The following CDC42EP4 variants were observed in gnomAD, a reference collection of about 807,000 sequenced individuals.
CDC42EP4 encodes CDC42 effector protein 4.
In CDC42EP4, 6 loss-of-function variants were observed where a neutral mutation model predicts 5.6. That is an observed-to-expected ratio of 1.07 (90% CI 0.59 to 2.12). CDC42EP4 has a LOEUF of 2.12. Ranked by LOEUF, CDC42EP4 falls within the 30% of genes most tolerant of loss-of-function variation. The pLI is 0.00. For synonymous variants in CDC42EP4, 230 were observed against 224.2 expected (o/e 1.03, Z -0.23); for missense variants, 490 against 508.6 (o/e 0.96, Z 0.35).
rs1599427019 is a variant in CDC42EP4, at chr17:73,285,451, C to T, written c.1050G>A (p.Glu350=). Residue 350 remains glutamate, a synonymous_variant, in exon 2 of 2, where the codon GAG becomes GAA. Transcript: ENST00000335793. The surrounding 1 kb of genome is among the most constrained non-coding windows in gnomAD (Gnocchi z 6.8). The part of the protein sequence containing the change: ...DKEFSFMDEE[E]EDEIRV Reference sequence around the variant, plus strand: ...CGCCTCACACACGGATTTCATCCTCCTCCTCCTCATCCATGAAGGAGAACT... The same window carrying T: ...CGCCTCACACACGGATTTCATCCTCTTCCTCCTCATCCATGAAGGAGAACT... The T allele has an allele frequency of 6.4e-7, 1 of 1,562,926 alleles. No individual in the cohort carries two copies.
rs893309097 is a variant in CDC42EP4, at chr17:73,289,820, AAAAG to A, written c.-112-3212_-112-3209del. 2.8e-5 allele frequency among the ~76,000 whole-genome samples: 4 copies of A among 143,392 alleles called. No homozygotes were observed. In the East Asian group the frequency reaches 6.4e-4, roughly 23 times the overall value. The allele number at this position is 143,392 out of a possible 152,430, so 94.1% of individuals were successfully genotyped here. On this transcript the variant is annotated intron_variant, in intron 1 of 1. Coordinates refer to ENST00000335793, the MANE Select transcript of CDC42EP4 (RefSeq NM_012121.5). ...AAAGAAAAAAAGAAAGAGAGAAAGA[AAAAG>A]AAAGGAAAGAAGGAAAGGAAAGGAA...
intron 1 of CDC42EP4, among the ~76,000 whole-genome samples, chr17:73,308,862 C>A (rs962115214): frequency 2.0e-5 from 3 of 151,598 alleles, no homozygotes; most frequent in Admixed American, 2.0e-4. Flanking sequence ...CAGTGAAACC[C>A]TGTTTCTACT....
rs997982889 is a variant in CDC42EP4, at chr17:73,286,096, C to T, written c.405G>A (p.Leu135=). ...CGGGGCTGGATGACAGGCTCTTGGG[C>T]AGCTTACTGGTGCCCTTCTCCGCGG... The part of the protein sequence containing the change: ...KEAAEKGTSK[L]PKSLSSSPVK... The change falls in exon 2 of 2, where the codon CTG becomes CTA. Residue 135 remains leucine, a synonymous_variant. Coordinates refer to ENST00000335793, the MANE Select transcript of CDC42EP4 (RefSeq NM_012121.5). This position sits in a 1 kb window ranked among gnomAD's most constrained non-coding sequence, Gnocchi z 7.7. 4.3e-6 allele frequency: 7 copies of T among 1,613,878 alleles called. No individual in the cohort carries two copies. The highest frequency in any genetic ancestry group is 4.0e-5 in the African/African-American group (3 of 74,916).
At chr17:73,298,732 G>A (rs114920904) in intron 1 of CDC42EP4, among the ~76,000 whole-genome samples, 2,302 of 152,212 alleles carry the variant, frequency 0.015, 61 homozygotes, top group African/African-American at 0.051. Context: ...AGAGAAACAG[G>A]CTCCCTAATC....
intron 1 of CDC42EP4, among the ~76,000 whole-genome samples, chr17:73,290,235 C>T (rs1274797614): frequency 6.6e-6 from 1 of 152,230 alleles, no homozygotes; most frequent in East Asian, 1.9e-4. Context: ...AGCAACAGAG[C>T]TGGGCTAGAA....
chr17:73,287,826 C>T (rs1270232969), intron 1 of CDC42EP4, among the ~76,000 whole-genome samples: 1 of 152,150 alleles, frequency 6.6e-6, no homozygotes, highest in African/African-American at 2.4e-5. Flanking sequence ...CCTGCCGCTG[C>T]GTCACACAAG....
chr17:73,292,059 C>T (rs547546073), intron 1 of CDC42EP4, among the ~76,000 whole-genome samples: 1 of 152,206 alleles, frequency 6.6e-6, no homozygotes, highest in Admixed American at 6.5e-5. Context: ...CGGGCAGTGG[C>T]CTGTCCCTGG....
At chr17:73,305,360 G>A (rs2062239690) in intron 1 of CDC42EP4, among the ~76,000 whole-genome samples, 1 of 152,206 alleles carries the variant, frequency 6.6e-6, no homozygotes, top group African/African-American at 2.4e-5. Flanking sequence ...GGGCAGCAGG[G>A]TGCCTCCCTC....
rs2062124589 is a variant in CDC42EP4, at chr17:73,285,233, G to T, written c.*197C>A. On this transcript the variant is annotated 3_prime_UTR_variant, in exon 2 of 2. Transcript: ENST00000335793. The surrounding 1 kb of genome is among the most constrained non-coding windows in gnomAD (Gnocchi z 6.8). ...GGAGCATGATGAAGTCAGGCAGCCAGTCGGCACCCATGCCAGCCCCCTACG... is the reference window on the plus strand; with the variant it reads ...GGAGCATGATGAAGTCAGGCAGCCATTCGGCACCCATGCCAGCCCCCTACG... 1.5e-5 allele frequency: 7 copies of T among 468,318 alleles called. No homozygotes were observed. Among genetic ancestry groups the T allele is most frequent in the African/African-American group, 1.2e-4 (6 of 51,436 alleles). 29.0% of individuals were successfully genotyped at this position (468,318 alleles called of 1,614,324 possible).
In CDC42EP4 at chr17:73,286,105, G is replaced by C. The variant is rs1424004328; in HGVS notation, c.396C>G (p.Thr132=). The change falls in exon 2 of 2, where the codon ACC becomes ACG. Residue 132 remains threonine, a synonymous_variant. Coordinates refer to ENST00000335793, the MANE Select transcript of CDC42EP4 (RefSeq NM_012121.5). This position sits in a 1 kb window ranked among gnomAD's most constrained non-coding sequence, Gnocchi z 7.7. ...ATGACAGGCTCTTGGGCAGCTTACTGGTGCCCTTCTCCGCGGCCTCCTTCT... is the reference window on the plus strand; with the variant it reads ...ATGACAGGCTCTTGGGCAGCTTACTCGTGCCCTTCTCCGCGGCCTCCTTCT... The part of the protein sequence containing the change: ...LNEKEAAEKG[T]SKLPKSLSSS... 1.2e-6 allele frequency: 2 copies of C among 1,613,982 alleles called. No homozygotes were observed. Among genetic ancestry groups the C allele is most frequent in the South Asian group, 1.1e-5 (1 of 91,090 alleles).
chr17:73,284,243 G>A lies in CDC42EP4; in HGVS notation c.*1187C>T, dbSNP rs2062117279. ...CTGGCCTCAAAAGTCGGTGGGGGGA[G>A]GCCTGAGAAAAGAAAGGGAAGTAGT... is the stretch of plus-strand genomic sequence containing the variant. On this transcript the variant is annotated 3_prime_UTR_variant, in exon 2 of 2. Transcript: ENST00000335793. 1 of 151,988 alleles carries A rather than the reference G, an allele frequency of 6.6e-6. No homozygotes were observed. The highest frequency in any genetic ancestry group is 2.4e-5 in the African/African-American group (1 of 41,370). The allele number at this position is 151,988 out of a possible 1,614,324, so 9.4% of individuals were successfully genotyped here. A position where few individuals can be genotyped will look rare whatever the true frequency, so the allele number is the denominator to read the frequency against.
In CDC42EP4 at chr17:73,285,667, G is replaced by C; in HGVS notation, c.834C>G (p.Ser278=). The C allele has an allele frequency of 1.3e-6, 2 of 1,579,478 alleles. No homozygotes were observed. Among genetic ancestry groups the C allele is most frequent in the Non-Finnish European group, 1.7e-6 (2 of 1,158,850 alleles). The change falls in exon 2 of 2, where the codon TCC becomes TCG. Residue 278 remains serine (S), a synonymous_variant. Coordinates refer to ENST00000335793, the MANE Select transcript of CDC42EP4 (RefSeq NM_012121.5). The surrounding 1 kb of genome is among the most constrained non-coding windows in gnomAD (Gnocchi z 6.8). ...KAGPDLPSLP[S]HALEDEGWAA... ...CCCACCCCTCATCCTCCAGAGCATGGGAGGGGAGGGAGGGCAAGTCTGGGC... is the reference window on the plus strand; with the variant it reads ...CCCACCCCTCATCCTCCAGAGCATGCGAGGGGAGGGAGGGCAAGTCTGGGC...
chr17:73,298,747 C>T (rs1389685401), intron 1 of CDC42EP4, among the ~76,000 whole-genome samples: 2 of 152,174 alleles, frequency 1.3e-5, no homozygotes, highest in East Asian at 3.9e-4. Context: ...CTAATCCCCT[C>T]CTACCCCATC....
chr17:73,300,724 T>C (rs1265368280), intron 1 of CDC42EP4, among the ~76,000 whole-genome samples: 3 of 152,164 alleles, frequency 2.0e-5, no homozygotes, highest in Admixed American at 6.6e-5. Flanking sequence ...GCACTCCTTA[T>C]ATTTATACAC....
chr17:73,303,248 CAGG>C (rs530513972), intron 1 of CDC42EP4, among the ~76,000 whole-genome samples: 25 of 152,056 alleles, frequency 1.6e-4, no homozygotes, highest in South Asian at 8.3e-4. Flanking sequence ...AAGGCTGAGG[CAGG>C]AGAATGGCTT....
intron 1 of CDC42EP4, among the ~76,000 whole-genome samples, chr17:73,309,037 CCAAAA>C (rs1254137553): frequency 0.13 from 241 of 1,856 alleles, 4 homozygotes; most frequent in South Asian, 0.32. Context: ...AGCTCTGTCT[CCAAAA>C]AAAAAAAAAA....
At chr17:73,300,987 G>A (rs6501622) in intron 1 of CDC42EP4, among the ~76,000 whole-genome samples, 105,754 of 151,350 alleles carry the variant, frequency 0.7, 37,394 homozygotes, top group East Asian at 0.93. Context: ...CAGAGTTTGC[G>A]GTGAGCAGAG....
rs372007594 is a variant in CDC42EP4, at chr17:73,286,122, C to A, written c.379G>T (p.Ala127Ser). The A allele has an allele frequency of 3.6e-5, 58 of 1,613,920 alleles. No individual in the cohort carries two copies. Among genetic ancestry groups the A allele is most frequent in the Non-Finnish European group, 4.7e-5 (55 of 1,180,044 alleles). Residue 127 changes from alanine (A) to serine (S), a missense_variant, in exon 2 of 2, where the codon GCC becomes TCC. Transcript: ENST00000335793. This position sits in a 1 kb window ranked among gnomAD's most constrained non-coding sequence, Gnocchi z 7.7. ...AGCTTACTGGTGCCCTTCTCCGCGGCCTCCTTCTCATTGAGCTGGGGCAGG... is the reference window on the plus strand; with the variant it reads ...AGCTTACTGGTGCCCTTCTCCGCGGACTCCTTCTCATTGAGCTGGGGCAGG... ...MSLPQLNEKEAAEKGTSKLPK... is the reference protein window; with the variant it reads ...MSLPQLNEKESAEKGTSKLPK...
At chr17:73,301,024 C>CA (rs1382412582) in intron 1 of CDC42EP4, among the ~76,000 whole-genome samples, 1 of 134,242 alleles carries the variant, frequency 7.4e-6, no homozygotes, top group African/African-American at 2.8e-5. Context: ...CCAGCCTGGG[C>CA]AAAAAAGAGT....
Sources: allele counts gnomAD v4.1 joint callset (sites outside exome capture counted in the v4.1 genomes callset), GRCh38; gene constraint gnomAD v4.1.1; non-coding constraint Gnocchi (gnomAD v3.1); transcripts MANE v1.5; gene names NCBI Gene and HGNC (gene_info 2026-07-23, HGNC 2026-07-21).